The following BCKDHB variants were observed in gnomAD, a reference collection of about 807,000 sequenced individuals.
The protein encoded by BCKDHB is 2-oxoisovalerate dehydrogenase subunit beta, mitochondrial.
A neutral mutation model predicts 48.5 loss-of-function variants in BCKDHB; 41 were observed. The observed-to-expected ratio is 0.85, with a 90% CI of 0.66 to 1.10. The LOEUF (loss-of-function observed/expected upper bound fraction) is 1.10, where lower values mean the gene tolerates loss of function less well. Among genes scored for constraint, BCKDHB ranks in the 50% least tolerant of loss-of-function variants. The probability of loss-of-function intolerance (pLI) is 0.00; values close to 1 mark genes in which losing one functional copy is unlikely to be tolerated. For synonymous variants in BCKDHB, 201 were observed against 174.8 expected (o/e 1.15, Z -1.18); for missense variants, 496 against 494.2 (o/e 1.00, Z -0.03).
At chr6:80,215,331 G>A (rs777403002) in intron 8 of BCKDHB, among the ~76,000 whole-genome samples, 50 of 152,186 alleles carry the variant, frequency 3.3e-4, no homozygotes, top group Non-Finnish European at 6.2e-4. Context: ...TCTTTGTCAT[G>A]ATCACAACTA....
chr6:80,322,908 T>G (rs1225314919), intron 9 of BCKDHB, among the ~76,000 whole-genome samples: 1 of 150,174 alleles, frequency 6.7e-6, no homozygotes, highest in Non-Finnish European at 1.5e-5. Context: ...TTTTTTTTTT[T>G]TTTTTGCATA....
At chr6:80,220,734 C>G (rs201652975) in intron 8 of BCKDHB, among the ~76,000 whole-genome samples, 1 of 121,954 alleles carries the variant, frequency 8.2e-6, no homozygotes, top group Non-Finnish European at 1.7e-5. Context: ...TTTTCTTTTT[C>G]TTTTTTTTTT....
chr6:80,401,506 C>T, the BCKDHB span, among the ~76,000 whole-genome samples: 704 of 151,786 alleles, frequency 4.6e-3, 5 homozygotes, highest in Non-Finnish European at 6.8e-3. Context: ...AATTGTAATC[C>T]TCAATGTTGG....
the BCKDHB span, among the ~76,000 whole-genome samples, chr6:80,374,781 G>C: frequency 6.7e-3 from 1,019 of 152,178 alleles, 16 homozygotes; most frequent in African/African-American, 0.023. Context: ...TTTATTTTGT[G>C]TATTTCAAAG....
chr6:80,242,082 T>C (rs969037368), intron 8 of BCKDHB, among the ~76,000 whole-genome samples: 58 of 152,214 alleles, frequency 3.8e-4, no homozygotes, highest in Admixed American at 1.3e-3. Context: ...TATTCATCTT[T>C]TCATTTATGG....
chr6:80,184,554 G>A (rs1196706921), intron 6 of BCKDHB, among the ~76,000 whole-genome samples: 14 of 152,022 alleles, frequency 9.2e-5, no homozygotes, highest in Non-Finnish European at 2.9e-5. Flanking sequence ...TTATAGGGAG[G>A]TTCTATTTTG....
intron 8 of BCKDHB, among the ~76,000 whole-genome samples, chr6:80,246,150 C>A (rs187212812): frequency 6.6e-6 from 1 of 152,200 alleles, no homozygotes; most frequent in African/African-American, 2.4e-5. Flanking sequence ...TTAGGATAAC[C>A]TTGATATTGT....
chr6:80,202,282 C>G (rs28634206), intron 7 of BCKDHB, among the ~76,000 whole-genome samples: 14 of 152,242 alleles, frequency 9.2e-5, no homozygotes, highest in African/African-American at 3.4e-4. Context: ...TTCTCCAGGA[C>G]TGTAGTCTAT....
At chr6:80,260,229 G>GT (rs70981414) in intron 8 of BCKDHB, among the ~76,000 whole-genome samples, 2 of 150,424 alleles carry the variant, frequency 1.3e-5, no homozygotes, top group South Asian at 2.1e-4. Context: ...GTGTGTGTGT[G>GT]GGGTAATAAA....
chr6:80,414,793 A>G, the BCKDHB span, among the ~76,000 whole-genome samples: 2 of 152,192 alleles, frequency 1.3e-5, no homozygotes, highest in African/African-American at 4.8e-5. Flanking sequence ...TCTGTAAAAA[A>G]TGCCAATTGT....
the BCKDHB span, among the ~76,000 whole-genome samples, chr6:80,409,345 T>C: frequency 5.3e-5 from 8 of 151,484 alleles, no homozygotes; most frequent in African/African-American, 1.7e-4. Flanking sequence ...CTGAGAAGAA[T>C]GTATATTCTG....
chr6:80,271,206 G>A (rs981135585), intron 8 of BCKDHB, among the ~76,000 whole-genome samples: 6 of 152,012 alleles, frequency 3.9e-5, no homozygotes, highest in Admixed American at 6.6e-5. Flanking sequence ...AGATTATATC[G>A]TCCTGCAACT....
rs3805848 is a variant in BCKDHB at position 80,345,248 on chromosome 6, T to G, written c.*1444T>G. The G allele has an allele frequency of 6.6e-6, 1 of 152,044 alleles. No homozygotes were observed. The highest frequency in any genetic ancestry group is 1.5e-5 in the Non-Finnish European group (1 of 68,014). 9.4% of individuals were successfully genotyped at this position (152,044 alleles called of 1,614,324 possible). On this transcript the variant is annotated 3_prime_UTR_variant, in exon 10 of 10. Coordinates refer to ENST00000320393, the MANE Select transcript of BCKDHB (RefSeq NM_183050.4). ...TGAAATGTTTCAAAATGAGTAGATA[T>G]GATTAGATCCTTTACCTTTTAATAT...
At chr6:80,386,765 A>G in the BCKDHB span, among the ~76,000 whole-genome samples, 1 of 152,166 alleles carries the variant, frequency 6.6e-6, no homozygotes, top group Non-Finnish European at 1.5e-5. Flanking sequence ...TAGGAAGCCT[A>G]TTGCATTCGT....
chr6:80,342,255 T>C (rs754543429), intron 9 of BCKDHB, among the ~76,000 whole-genome samples: 2 of 151,954 alleles, frequency 1.3e-5, no homozygotes, highest in East Asian at 1.9e-4. Context: ...TAGTATAATA[T>C]GTAAAAAAAA....
chr6:80,219,562 C>T (rs926732371), intron 8 of BCKDHB, among the ~76,000 whole-genome samples: 1 of 152,154 alleles, frequency 6.6e-6, no homozygotes, highest in East Asian at 1.9e-4. Flanking sequence ...TCTATACCTG[C>T]TGCACAACAA....
chr6:80,266,113 G>C lies in BCKDHB; in HGVS notation c.952-7022G>C, dbSNP rs151186677. Among the ~76,000 whole-genome samples the C allele has an allele frequency of 1.0e-3, 153 of 152,230 alleles. 1 individual carries two copies. The highest frequency in any genetic ancestry group is 3.4e-3 in the African/African-American group (143 of 41,564). On this transcript the variant is annotated intron_variant, in intron 8 of 9. Transcript: ENST00000320393. ...TGTCTCAAAAGTACAACTTGGCTTTGTAGTAGACCTTTTCAACAGTTTTCT... is the reference window on the plus strand; with the variant it reads ...TGTCTCAAAAGTACAACTTGGCTTTCTAGTAGACCTTTTCAACAGTTTTCT...
the BCKDHB span, among the ~76,000 whole-genome samples, chr6:80,407,352 T>C: frequency 6.6e-6 from 1 of 152,198 alleles, no homozygotes; most frequent in Non-Finnish European, 1.5e-5. Flanking sequence ...CTTTTTTGGT[T>C]CCATATGAAC....
chr6:80,414,632 T>C, the BCKDHB span, among the ~76,000 whole-genome samples: 1 of 152,188 alleles, frequency 6.6e-6, no homozygotes, highest in Non-Finnish European at 1.5e-5. Flanking sequence ...ACTGCTTTTA[T>C]ACCAGCACCA....
Sources: gnomAD v4.1 joint callset for allele counts (sites outside exome capture counted in the v4.1 genomes callset) on GRCh38, gnomAD v4.1.1 for gene constraint, MANE v1.5 for transcripts, NCBI Gene and HGNC (gene_info 2026-07-23, HGNC 2026-07-21) for gene names.